The following FANCC variants were observed in gnomAD, a reference collection of about 807,000 sequenced individuals.
FANCC encodes the protein Fanconi anemia group C protein.
In FANCC, 55 loss-of-function variants were observed where a neutral mutation model predicts 71.3. That is an observed-to-expected ratio of 0.77 (90% CI 0.62 to 0.97). The LOEUF is 0.97. Among genes scored for constraint, FANCC ranks in the 50% least tolerant of loss-of-function variants. The pLI, the probability that FANCC is intolerant of heterozygous loss-of-function variation, is 0.00. For missense variants in FANCC, 678 were observed against 670.9 expected (o/e 1.01, Z -0.12); for synonymous variants, 275 against 244.9 (o/e 1.12, Z -1.15).
intron 12 of FANCC, 136 bp from the exon 13 acceptor site, chr9:95,111,773 A>AATT: frequency 9.9e-7 from 1 of 1,010,150 alleles, no homozygotes; most frequent in Non-Finnish European, 1.5e-6. Flanking sequence ...CAAGGAATAC[A>AATT]ATTTAGATTC....
intron 4 of FANCC, among the ~76,000 whole-genome samples, chr9:95,227,744 C>T (rs1564772765): frequency 6.6e-6 from 1 of 152,224 alleles, no homozygotes; most frequent in Non-Finnish European, 1.5e-5. Flanking sequence ...GGCCAAGTGG[C>T]CCATTGGGAT....
At chr9:95,115,896 G>T (rs1173043586) in intron 11 of FANCC, among the ~76,000 whole-genome samples, 1 of 152,048 alleles carries the variant, frequency 6.6e-6, no homozygotes, top group Non-Finnish European at 1.5e-5. Context: ...CCCCTCTCCC[G>T]GCCTTCACAA....
chr9:95,261,187 G>A lies in FANCC; in HGVS notation c.-78-11818C>T, dbSNP rs565901533. ...TGCAGCTCCAAAAAATGCATGCCTT[G>A]AAAAATGGGGCTGATTCTTCAGATT... On this transcript the variant is annotated intron_variant, in intron 1 of 14. Transcript: ENST00000289081. Among the ~76,000 whole-genome samples the A allele has an allele frequency of 8.5e-5, 13 of 152,320 alleles. No homozygotes were observed. The South Asian group carries it at 2.7e-3, about 32-fold the overall frequency.
chr9:95,110,193 T>C (rs1046881225), intron 13 of FANCC: 4 of 950,024 alleles, frequency 4.2e-6, no homozygotes, highest in Middle Eastern at 5.3e-4. Flanking sequence ...AGTTAGCTAG[T>C]AGAAGATGTG....
At chr9:95,148,845 C>T (rs1234768229) in intron 7 of FANCC, among the ~76,000 whole-genome samples, 2 of 152,134 alleles carry the variant, frequency 1.3e-5, no homozygotes, top group Admixed American at 6.5e-5. Context: ...AAAAAATGAC[C>T]ATTTTCAAAT....
intron 3 of FANCC, among the ~76,000 whole-genome samples, chr9:95,246,837 A>G (rs1245463560): frequency 6.6e-6 from 1 of 152,208 alleles, no homozygotes; most frequent in African/African-American, 2.4e-5. Context: ...AAGATGAAAC[A>G]GGAAATGAGA....
intron 1 of FANCC, among the ~76,000 whole-genome samples, chr9:95,296,588 A>G (rs1265477917): frequency 1.3e-5 from 2 of 152,150 alleles, no homozygotes; most frequent in Non-Finnish European, 2.9e-5. Flanking sequence ...CATATATCTA[A>G]TGGATTAGAA....
chr9:95,135,669 T>C lies in FANCC; in HGVS notation c.687-167A>G, dbSNP rs554824951. On this transcript the variant is annotated intron_variant, in intron 7 of 14. Coordinates refer to ENST00000289081, the MANE Select transcript of FANCC (RefSeq NM_000136.3). The stretch of plus-strand genomic sequence containing the variant: ...TCAGTGAATATTTACCAAGTGCTCA[T>C]TTGCAAAATAATGTGAATATGCTTC... 5.4e-5 allele frequency: 34 copies of C among 628,074 alleles called. No homozygotes were observed. The Admixed American group carries it at 7.2e-4, about 13-fold the overall frequency. The allele number at this position is 628,074 out of a possible 1,614,324, so 38.9% of individuals were successfully genotyped here. A position where few individuals can be genotyped will look rare whatever the true frequency, so the allele number is the denominator to read the frequency against.
chr9:95,179,098 C>A (rs573390492), intron 4 of FANCC, among the ~76,000 whole-genome samples: 1 of 152,128 alleles, frequency 6.6e-6, no homozygotes, highest in South Asian at 2.1e-4. Flanking sequence ...GGTTTATGCT[C>A]GTTAACCAAA....
chr9:95,271,924 C>CTTTT (rs1300486732), intron 1 of FANCC, among the ~76,000 whole-genome samples: 2 of 67,238 alleles, frequency 3.0e-5, no homozygotes, highest in Admixed American at 2.0e-4. Flanking sequence ...CATCAAGCCT[C>CTTTT]TTCTTTTTTT....
chr9:95,125,594 C>G (rs977711615), intron 9 of FANCC, among the ~76,000 whole-genome samples: 1 of 152,102 alleles, frequency 6.6e-6, no homozygotes, highest in African/African-American at 2.4e-5. Context: ...TGTGTGTGTA[C>G]CTGGTTTCGC....
chr9:95,196,787 A>T (rs1827483747), intron 4 of FANCC, among the ~76,000 whole-genome samples: 1 of 152,168 alleles, frequency 6.6e-6, no homozygotes, highest in South Asian at 2.1e-4. Flanking sequence ...TAAAAGGTTC[A>T]CCAGGATGTG....
intron 1 of FANCC, among the ~76,000 whole-genome samples, chr9:95,287,621 A>G (rs1833764191): frequency 6.6e-6 from 1 of 152,208 alleles, no homozygotes; most frequent in South Asian, 2.1e-4. Flanking sequence ...ATAGAGTTAA[A>G]AGAATTCCAT....
intron 1 of FANCC, among the ~76,000 whole-genome samples, chr9:95,298,229 A>C (rs1412554702): frequency 6.6e-6 from 1 of 152,190 alleles, no homozygotes; most frequent in Non-Finnish European, 1.5e-5. Flanking sequence ...CATAGTAAAA[A>C]AAAGGAATAG....
At chr9:95,265,585 A>G (rs898456516) in intron 1 of FANCC, among the ~76,000 whole-genome samples, 3 of 152,070 alleles carry the variant, frequency 2.0e-5, no homozygotes, top group African/African-American at 4.8e-5. Context: ...TCTTGTCCTC[A>G]CTTCACTTAC....
chr9:95,177,727 T>C (rs906881422), intron 4 of FANCC, among the ~76,000 whole-genome samples: 2 of 152,200 alleles, frequency 1.3e-5, no homozygotes, highest in African/African-American at 4.8e-5. Context: ...CCCAGACACT[T>C]GTCCTGGTCA....
intron 7 of FANCC, among the ~76,000 whole-genome samples, chr9:95,142,909 C>T (rs1053793200): frequency 6.6e-6 from 1 of 152,120 alleles, no homozygotes; most frequent in African/African-American, 2.4e-5. Context: ...TCTCTAGACA[C>T]CAACTGGGTG....
chr9:95,127,067 C>T lies in FANCC; in HGVS notation c.844-486G>A, dbSNP rs144664391. The T allele has an allele frequency of 1.8e-3, 307 of 172,056 alleles. 1 individual carries two copies. Among genetic ancestry groups the T allele is most frequent in the Non-Finnish European group, 3.2e-3 (256 of 78,898 alleles). The allele number at this position is 172,056 out of a possible 1,614,324, so 10.7% of individuals were successfully genotyped here. On this transcript the variant is annotated intron_variant, in intron 8 of 14. Coordinates refer to ENST00000289081, the MANE Select transcript of FANCC (RefSeq NM_000136.3). ...ATTGGCAAACCAGTGACCACTACCA[C>T]GCTGGACTAAATCACATCACATCTT...
chr9:95,197,663 TCA>T (rs929540360), intron 4 of FANCC, among the ~76,000 whole-genome samples: 3 of 152,208 alleles, frequency 2.0e-5, no homozygotes, highest in Non-Finnish European at 2.9e-5. Context: ...CACATGGCCC[TCA>T]CAGTCTGCAG....
Sources: allele counts gnomAD v4.1 joint callset (sites outside exome capture counted in the v4.1 genomes callset), GRCh38; gene constraint gnomAD v4.1.1; transcripts MANE v1.5; gene names NCBI Gene and HGNC (gene_info 2026-07-23, HGNC 2026-07-21).